The following ADGRV1 variants were observed in gnomAD, a reference collection of about 807,000 sequenced individuals.
The protein encoded by ADGRV1 is G-protein coupled receptor 98.
ADGRV1 carries 359 observed loss-of-function variants against 596.2 expected under a neutral mutation model. The ratio of observed to expected loss-of-function variants is 0.60; its 90% confidence interval spans 0.55 to 0.66. ADGRV1 has a LOEUF of 0.66. Among genes scored for constraint, ADGRV1 ranks in the 30% least tolerant of loss-of-function variants. The pLI is 0.00. For synonymous variants in ADGRV1, 2,681 were observed against 2,679.2 expected (o/e 1.00, Z -0.02); for missense variants, 7,274 against 7,575.6 (o/e 0.96, Z 1.48).
intron 16 of ADGRV1, 51 bp downstream of exon 16, chr5:90,646,142 A>G (rs1261095086): frequency 1.5e-6 from 2 of 1,320,758 alleles, no homozygotes; most frequent in African/African-American, 1.5e-5. Context: ...TAAATAGTAT[A>G]TATAAATGTA....
At chr5:90,596,065 T>A in intron 1 of ADGRV1, among the ~76,000 whole-genome samples, 1 of 141,310 alleles carries the variant, frequency 7.1e-6, no homozygotes, top group Non-Finnish European at 1.5e-5. Context: ...GTCTCCTCAC[T>A]TCTCAGACGG....
chr5:90,947,688 G>A (rs1283048859), intron 83 of ADGRV1, among the ~76,000 whole-genome samples: 1 of 152,008 alleles, frequency 6.6e-6, no homozygotes, highest in African/African-American at 2.4e-5. Context: ...TCCTGAAATA[G>A]GGTGAGGAAG....
At chr5:90,719,507 C>CA (rs1750626384) in intron 43 of ADGRV1, among the ~76,000 whole-genome samples, 1 of 152,186 alleles carries the variant, frequency 6.6e-6, no homozygotes, top group East Asian at 1.9e-4. Flanking sequence ...AGTGTGTACT[C>CA]TTTTGTGTCT....
intron 5 of ADGRV1, among the ~76,000 whole-genome samples, chr5:90,624,134 A>G (rs569242916): frequency 1.3e-5 from 2 of 152,328 alleles, no homozygotes; most frequent in South Asian, 4.1e-4. Flanking sequence ...TGTCCACATC[A>G]TATGGTAGTT....
chr5:90,745,756 G>A lies in ADGRV1; in HGVS notation c.10935G>A (p.Leu3645=), dbSNP rs758059580. Residue 3645 remains leucine (L), a synonymous_variant, in exon 52 of 90, where the codon CTG becomes CTA. Transcript: ENST00000405460. The part of the protein sequence containing the change: ...GINDSVTITI[L]SNDDAYGIVA... ...ATGATTCTGTAACAATAACCATTCT[G>A]TCTAATGATGATGCCTATGGAATTG... is the stretch of plus-strand genomic sequence containing the variant. 1.9e-6 allele frequency: 3 copies of A among 1,611,376 alleles called. No individual in the cohort carries two copies. The highest frequency in any genetic ancestry group is 2.5e-6 in the Non-Finnish European group (3 of 1,178,282).
At chr5:90,958,939 C>A (rs1245866589) in intron 83 of ADGRV1, among the ~76,000 whole-genome samples, 1 of 152,086 alleles carries the variant, frequency 6.6e-6, no homozygotes. Flanking sequence ...CAAAGATGTT[C>A]ATTTTTGCCA....
chr5:91,015,878 T>A (rs1167019510), intron 85 of ADGRV1, among the ~76,000 whole-genome samples: 1 of 152,002 alleles, frequency 6.6e-6, no homozygotes, highest in Non-Finnish European at 1.5e-5. Context: ...TCAAGGTTAT[T>A]ATTGATATGT....
chr5:90,655,624 T>C (rs61525440), intron 20 of ADGRV1: 24,770 of 152,124 alleles, frequency 0.16, 2,146 homozygotes, highest in East Asian at 0.35. Context: ...ATAATGCCTA[T>C]CCTTTTTCCA....
chr5:91,045,154 T>C (rs1474218866), intron 85 of ADGRV1, among the ~76,000 whole-genome samples: 2 of 152,072 alleles, frequency 1.3e-5, no homozygotes, highest in East Asian at 1.9e-4. Flanking sequence ...TTCCACAAGA[T>C]AGAGAAAGAG....
At chr5:90,675,055 C>T (rs1773023887) in intron 23 of ADGRV1, among the ~76,000 whole-genome samples, 188 bp from the exon 24 acceptor site, 2 of 152,142 alleles carry the variant, frequency 1.3e-5, no homozygotes, top group African/African-American at 4.8e-5. Flanking sequence ...TTTCATTATT[C>T]TGAAAGCTTA....
At chr5:90,694,840 A>T in intron 33 of ADGRV1, 139 bp downstream of exon 33, 1 of 765,220 alleles carries the variant, frequency 1.3e-6, no homozygotes, top group East Asian at 2.7e-5. Flanking sequence ...AGAAAAAAAT[A>T]GAAGTTAATT....
intron 5 of ADGRV1, among the ~76,000 whole-genome samples, chr5:90,623,021 G>T (rs1327264847): frequency 6.6e-6 from 1 of 152,168 alleles, no homozygotes; most frequent in Non-Finnish European, 1.5e-5. Flanking sequence ...GGTTACAGGC[G>T]TGAGCCACTG....
At position 90,863,826 on chromosome 5, in the gene ADGRV1, C is replaced by T. The variant is rs1185880350; in HGVS notation, c.17825C>T (p.Thr5942Ile). 1 of 1,613,380 alleles carries T rather than the reference C, an allele frequency of 6.2e-7. No homozygotes were observed. The highest frequency in any genetic ancestry group is 8.5e-7 in the Non-Finnish European group (1 of 1,179,384). Residue 5942 changes from threonine to isoleucine, a missense_variant, in exon 83 of 90, where the codon ACT (threonine) becomes ATT (isoleucine). Transcript: ENST00000405460. Reference sequence around the variant, plus strand: ...TCCATGTTTGCAGCTAAACTTCTGACTCACATGATGGCAGCCAGCTTAGGT... The same window carrying T: ...TCCATGTTTGCAGCTAAACTTCTGATTCACATGATGGCAGCCAGCTTAGGT... ...RYSMFAAKLL[T>I]HMMAASLGTQ...
rs1787574105 is a variant in ADGRV1, at chr5:91,062,975, T to C, written c.18153-9472T>C. Among the ~76,000 whole-genome samples the C allele has an allele frequency of 2.7e-5, 4 of 148,992 alleles. No individual in the cohort carries two copies. The South Asian group carries it at 8.7e-4, about 32-fold the overall frequency. On this transcript the variant is annotated intron_variant, in intron 85 of 89. Coordinates refer to ENST00000405460, the MANE Select transcript of ADGRV1 (RefSeq NM_032119.4). Reference sequence around the variant, plus strand: ...AAACTTTTTTTTTTTTTTTTTTTTTTTGAGGCAGAGTTTCACTCTGTTACC... The same window carrying C: ...AAACTTTTTTTTTTTTTTTTTTTTTCTGAGGCAGAGTTTCACTCTGTTACC...
intron 85 of ADGRV1, among the ~76,000 whole-genome samples, chr5:91,007,282 A>T (rs1782356313): frequency 6.6e-6 from 1 of 152,242 alleles, no homozygotes; most frequent in South Asian, 2.1e-4. Flanking sequence ...CTGGTTCATT[A>T]CAAGAAAGAC....
chr5:90,847,826 G>A (rs1766063289), intron 78 of ADGRV1, among the ~76,000 whole-genome samples: 1 of 151,834 alleles, frequency 6.6e-6, no homozygotes. Flanking sequence ...TTCCCGCCCT[G>A]GTTCCCGCCT....
chr5:90,649,949 G>A (rs541075686), intron 17 of ADGRV1, among the ~76,000 whole-genome samples: 6 of 152,348 alleles, frequency 3.9e-5, no homozygotes, highest in Non-Finnish European at 8.8e-5. Context: ...TCGTACTGCT[G>A]CTGCATTTGT....
intron 83 of ADGRV1, chr5:90,929,512 C>G (rs1774994709): frequency 6.6e-6 from 1 of 152,430 alleles, no homozygotes; most frequent in Non-Finnish European, 1.5e-5. Flanking sequence ...CGCGCACCCA[C>G]TGACCTGCGC....
chr5:90,921,796 GTTT>G (rs571601390), intron 83 of ADGRV1, among the ~76,000 whole-genome samples: 1 of 124,408 alleles, frequency 8.0e-6, no homozygotes. Context: ...GTTGTGTCTT[GTTT>G]TTTTTTTTTT....
Sources: gnomAD v4.1 joint callset for allele counts (sites outside exome capture counted in the v4.1 genomes callset) on GRCh38, gnomAD v4.1.1 for gene constraint, MANE v1.5 for transcripts, NCBI Gene and HGNC (gene_info 2026-07-23, HGNC 2026-07-21) for gene names.